Variants in RBFOX1 observed in about 807,000 individuals in gnomAD.
RBFOX1 encodes RNA binding protein fox-1 homolog 1.
A neutral mutation model predicts 57.7 loss-of-function variants in RBFOX1; 8 were observed. That is an observed-to-expected ratio of 0.14 (90% CI 0.08 to 0.25). The LOEUF is 0.25. RBFOX1 is among the 10% of genes least tolerant of loss of function. RBFOX1 has a pLI of 1.00. For missense variants in RBFOX1, 611 were observed against 548.5 expected (o/e 1.11, Z -1.14); for synonymous variants, 326 against 222.4 (o/e 1.47, Z -4.15).
At chr16:6,738,082 A>C (rs1159178504) in intron 3 of RBFOX1, among the ~76,000 whole-genome samples, 1 of 151,120 alleles carries the variant, frequency 6.6e-6, no homozygotes, top group African/African-American at 2.4e-5. Flanking sequence ...TAATTCTTAA[A>C]AAAAAAAAAA....
At chr16:6,030,376 G>A (rs1347821415) in intron 1 of RBFOX1, among the ~76,000 whole-genome samples, 1 of 152,172 alleles carries the variant, frequency 6.6e-6, no homozygotes, top group African/African-American at 2.4e-5. Context: ...CACAAAGCCT[G>A]CCAGGAATCT....
chr16:6,678,540 C>T lies in RBFOX1; in HGVS notation c.-16+23890C>T, dbSNP rs879909470. Among the ~76,000 whole-genome samples the T allele has an allele frequency of 2.6e-5, 4 of 151,168 alleles. No individual in the cohort carries two copies. The East Asian group carries it at 5.8e-4, about 22-fold the overall frequency. On this transcript the variant is annotated intron_variant, in intron 3 of 15. Coordinates refer to ENST00000550418, the MANE Select transcript of RBFOX1 (RefSeq NM_018723.4). ...ACTTACAAAATAAAGAGAGTGAAAC[C>T]AAAGATTTGAGATTTCTCTTTAGAG...
intron 1 of RBFOX1, among the ~76,000 whole-genome samples, chr16:6,208,020 A>T (rs1432924956): frequency 6.6e-6 from 1 of 151,980 alleles, no homozygotes; most frequent in Non-Finnish European, 1.5e-5. Context: ...ATGTGTATAT[A>T]TGTGTGTGTA....
chr16:7,345,391 G>C (rs185598914), intron 4 of RBFOX1, among the ~76,000 whole-genome samples: 1 of 152,312 alleles, frequency 6.6e-6, no homozygotes, highest in Admixed American at 6.5e-5. Context: ...TAATAAGGCT[G>C]TTCGGGCAGC....
chr16:6,284,610 G>T (rs1017782847), intron 1 of RBFOX1, among the ~76,000 whole-genome samples: 1 of 152,114 alleles, frequency 6.6e-6, no homozygotes, highest in Non-Finnish European at 1.5e-5. Context: ...GATGTTTTCT[G>T]GAGTCAGGAA....
intron 4 of RBFOX1, among the ~76,000 whole-genome samples, chr16:5,910,852 C>T (rs2058585472): frequency 6.6e-6 from 1 of 152,164 alleles, no homozygotes; most frequent in South Asian, 2.1e-4. Context: ...CAGGAAAGCT[C>T]CCTGTTCCGT....
In RBFOX1 at chr16:6,297,875, A is replaced by C. The variant is rs190524364; in HGVS notation, c.-126-19120A>C. On this transcript the variant is annotated intron_variant, in intron 1 of 15. Transcript: ENST00000550418. ...AACGCCAGAGGAAGATCATCTTCCCACTCCATCCCCTTTCCAGCTCCCCAT... is the reference window on the plus strand; with the variant it reads ...AACGCCAGAGGAAGATCATCTTCCCCCTCCATCCCCTTTCCAGCTCCCCAT... 1.6e-3 allele frequency among the ~76,000 whole-genome samples: 244 copies of C among 152,112 alleles called. 2 individuals are homozygous for C. The highest frequency in any genetic ancestry group is 4.9e-4 in the Non-Finnish European group (33 of 67,978).
chr16:6,840,648 G>T (rs2093406668), intron 3 of RBFOX1, among the ~76,000 whole-genome samples: 1 of 151,994 alleles, frequency 6.6e-6, no homozygotes, highest in Non-Finnish European at 1.5e-5. Context: ...CAGCACTTTG[G>T]GAGGCCGAGG....
intron 3 of RBFOX1, among the ~76,000 whole-genome samples, chr16:6,794,301 T>TTTTTA (rs1555474121): frequency 1.4e-5 from 2 of 145,426 alleles, no homozygotes; most frequent in African/African-American, 5.2e-5. Context: ...TTTTTTTTTT[T>TTTTTA]ACAATGAAGG....
intron 1 of RBFOX1, among the ~76,000 whole-genome samples, chr16:6,148,426 C>G (rs993511150): frequency 6.6e-5 from 10 of 152,318 alleles, no homozygotes; most frequent in African/African-American, 1.9e-4. Flanking sequence ...TCATTCTAGT[C>G]TTAGAATTTT....
chr16:6,891,062 C>G (rs1032254148), intron 3 of RBFOX1, among the ~76,000 whole-genome samples: 1 of 152,128 alleles, frequency 6.6e-6, no homozygotes, highest in Admixed American at 6.5e-5. Context: ...GTTCCCCGTC[C>G]CTTCACAATT....
At chr16:5,284,756 A>AATTTTTTTTTTT (rs1303967371) in intron 1 of RBFOX1, among the ~76,000 whole-genome samples, 2 of 61,032 alleles carry the variant, frequency 3.3e-5, no homozygotes, top group Non-Finnish European at 6.0e-5. Flanking sequence ...TTTGGCTTAG[A>AATTTTTTTTTTT]TTTTTTTTTT....
At chr16:6,910,160 C>G (rs1274525289) in intron 3 of RBFOX1, among the ~76,000 whole-genome samples, 2 of 151,868 alleles carry the variant, frequency 1.3e-5, no homozygotes, top group Admixed American at 6.6e-5. Context: ...TGATGGAACT[C>G]TAGGAAGTAG....
chr16:6,662,889 T>C (rs1178383858), intron 3 of RBFOX1, among the ~76,000 whole-genome samples: 1 of 152,214 alleles, frequency 6.6e-6, no homozygotes, highest in Non-Finnish European at 1.5e-5. Flanking sequence ...TCCCATAGAC[T>C]CGTAAAACAT....
At chr16:7,368,908 C>T (rs1168565986) in intron 4 of RBFOX1, among the ~76,000 whole-genome samples, 1 of 152,024 alleles carries the variant, frequency 6.6e-6, no homozygotes, top group African/African-American at 2.4e-5. Context: ...CTCTAATGGC[C>T]TGGGAGGTTT....
At chr16:5,978,674 G>A (rs552892314) in intron 4 of RBFOX1, among the ~76,000 whole-genome samples, 1 of 143,928 alleles carries the variant, frequency 6.9e-6, no homozygotes, top group African/African-American at 2.6e-5. Context: ...TTGTTTTTTT[G>A]TTTGTTTTTT....
chr16:7,671,486 T>TCTGA, intron 13 of RBFOX1: 1 of 1,395,156 alleles, frequency 7.2e-7, no homozygotes, highest in Non-Finnish European at 1.0e-6. Context: ...CTGGAATTTG[T>TCTGA]CTGACTTATG....
At chr16:7,395,268 G>A (rs1376664850) in intron 4 of RBFOX1, among the ~76,000 whole-genome samples, 2 of 152,056 alleles carry the variant, frequency 1.3e-5, no homozygotes, top group Non-Finnish European at 2.9e-5. Context: ...TTTTTACTGG[G>A]AGCCCCCAAC....
At chr16:5,329,339 G>A (rs1275190275) in intron 1 of RBFOX1, among the ~76,000 whole-genome samples, 3 of 152,178 alleles carry the variant, frequency 2.0e-5, no homozygotes, top group East Asian at 3.9e-4. Context: ...AAGCAGACAT[G>A]TCTTCACATG....
Sources: allele counts gnomAD v4.1 joint callset (sites outside exome capture counted in the v4.1 genomes callset), GRCh38; gene constraint gnomAD v4.1.1; transcripts MANE v1.5; gene names NCBI Gene and HGNC (gene_info 2026-07-23, HGNC 2026-07-21).